The following ELK3 variants were observed in gnomAD, a reference collection of about 807,000 sequenced individuals.
The protein encoded by ELK3 is ETS transcription factor ELK3.
Under a neutral mutation model 28.9 loss-of-function variants are expected in ELK3, and 10 were observed. That is an observed-to-expected ratio of 0.35 (90% CI 0.21 to 0.59). ELK3 has a LOEUF of 0.59. Ranked by LOEUF, ELK3 falls within the 20% of genes least tolerant of loss-of-function variation. ELK3 has a pLI of 0.82. For synonymous variants in ELK3, 272 were observed against 243.5 expected (o/e 1.12, Z -1.09); for missense variants, 463 against 517.3 (o/e 0.90, Z 1.02).
intron 1 of ELK3, among the ~76,000 whole-genome samples, chr12:96,211,802 C>T (rs1184543628): frequency 6.6e-6 from 1 of 152,236 alleles, no homozygotes; most frequent in Non-Finnish European, 1.5e-5. Context: ...TTGTGCTTTT[C>T]CATTGACCTT....
intron 3 of ELK3, among the ~76,000 whole-genome samples, chr12:96,248,862 C>T (rs146162623): frequency 6.6e-6 from 1 of 152,316 alleles, no homozygotes; most frequent in African/African-American, 2.4e-5. Flanking sequence ...ATCCTGTTTC[C>T]AAAATGCTTG....
chr12:96,211,781 C>T (rs1168593856), intron 1 of ELK3, among the ~76,000 whole-genome samples: 1 of 152,052 alleles, frequency 6.6e-6, no homozygotes. Flanking sequence ...ACCATATTTA[C>T]CTAAAATAAC....
At chr12:96,259,945 A>AT (rs1489077940) in intron 4 of ELK3, 92 bp downstream of exon 4, 4 of 1,446,180 alleles carry the variant, frequency 2.8e-6, no homozygotes, top group Non-Finnish European at 2.7e-6. Context: ...GTTTTGCCAT[A>AT]TGTTGAGTTG....
chr12:96,233,268 C>T (rs1482194402), intron 2 of ELK3, among the ~76,000 whole-genome samples: 3 of 152,138 alleles, frequency 2.0e-5, no homozygotes, highest in African/African-American at 4.8e-5. Flanking sequence ...CAGAAGGAGA[C>T]CTGGAAGCTT....
chr12:96,242,691 A>T (rs1951830199), intron 2 of ELK3, among the ~76,000 whole-genome samples: 2 of 152,254 alleles, frequency 1.3e-5, no homozygotes, highest in South Asian at 4.1e-4. Context: ...GGCTTTCCTT[A>T]CCAGCTCCCC....
intron 1 of ELK3, among the ~76,000 whole-genome samples, chr12:96,197,319 G>T (rs1182493535): frequency 6.6e-6 from 1 of 152,152 alleles, no homozygotes; most frequent in Non-Finnish European, 1.5e-5. Context: ...CTTCTGGAGG[G>T]TAGACGCCAG....
At chr12:96,220,369 A>G (rs1311545257) in intron 1 of ELK3, among the ~76,000 whole-genome samples, 1 of 144,684 alleles carries the variant, frequency 6.9e-6, no homozygotes, top group Non-Finnish European at 1.5e-5. Flanking sequence ...ACCTAGTAGC[A>G]TACTTTTTCG....
At chr12:96,231,555 C>T (rs777414756) in intron 2 of ELK3, among the ~76,000 whole-genome samples, 11 of 152,184 alleles carry the variant, frequency 7.2e-5, no homozygotes, top group Non-Finnish European at 1.2e-4. Context: ...TGCAGTGGCG[C>T]GATCTCAGCT....
chr12:96,222,341 G>T (rs1478097165), intron 1 of ELK3, among the ~76,000 whole-genome samples: 2 of 152,164 alleles, frequency 1.3e-5, no homozygotes, highest in Admixed American at 6.5e-5. Context: ...CAGCATTTTA[G>T]CCAGAAGAAA....
intron 1 of ELK3, among the ~76,000 whole-genome samples, chr12:96,201,131 CAG>C (rs1951505157): frequency 6.6e-6 from 1 of 152,110 alleles, no homozygotes; most frequent in Non-Finnish European, 1.5e-5. Flanking sequence ...AAAAATAAAT[CAG>C]AATGTGTAGA....
intron 1 of ELK3, among the ~76,000 whole-genome samples, chr12:96,202,952 A>C (rs1232296231): frequency 6.6e-6 from 1 of 151,766 alleles, no homozygotes; most frequent in African/African-American, 2.4e-5. Flanking sequence ...CAGTGATCTC[A>C]GCTCACTGCA....
At chr12:96,226,595 C>T (rs1245029456) in intron 2 of ELK3, among the ~76,000 whole-genome samples, 1 of 151,816 alleles carries the variant, frequency 6.6e-6, no homozygotes, top group Non-Finnish European at 1.5e-5. Context: ...TGTCCACATG[C>T]ACACACACAT....
intron 2 of ELK3, among the ~76,000 whole-genome samples, chr12:96,232,336 C>T (rs548948524): frequency 1.1e-4 from 16 of 152,118 alleles, no homozygotes; most frequent in African/African-American, 3.4e-4. Context: ...TTTGGGAGGC[C>T]GAGGCGGGTG....
Position 96,267,209 on chromosome 12 carries a change from T to C in ELK3, c.*29T>C. 6.3e-7 allele frequency: 1 copy of C among 1,591,806 alleles called. No homozygotes were observed. Among genetic ancestry groups the C allele is most frequent in the South Asian group, 1.1e-5 (1 of 88,080 alleles). On this transcript the variant is annotated 3_prime_UTR_variant, in exon 5 of 5. Coordinates refer to ENST00000228741, the MANE Select transcript of ELK3 (RefSeq NM_005230.4). Reference sequence around the variant, plus strand: ...CGTCTGGCCACAATTAAGGACTCATTAACTGATGAAACAAATTTGTCCCCA... The same window carrying C: ...CGTCTGGCCACAATTAAGGACTCATCAACTGATGAAACAAATTTGTCCCCA...
intron 2 of ELK3, among the ~76,000 whole-genome samples, chr12:96,226,509 C>A (rs925982772): frequency 3.2e-5 from 2 of 61,654 alleles, no homozygotes; most frequent in Non-Finnish European, 6.2e-5. Context: ...CATGTGCACA[C>A]CCATGCCCAC....
intron 1 of ELK3, among the ~76,000 whole-genome samples, chr12:96,205,018 T>G (rs1951530914): frequency 6.6e-6 from 1 of 152,224 alleles, no homozygotes; most frequent in Non-Finnish European, 1.5e-5. Context: ...GAGGTCTGTG[T>G]CTGAGAGAAT....
At chr12:96,222,091 C>G (rs1324705498) in intron 1 of ELK3, among the ~76,000 whole-genome samples, 1 of 152,090 alleles carries the variant, frequency 6.6e-6, no homozygotes, top group Non-Finnish European at 1.5e-5. Context: ...AACAGTTGAT[C>G]CGTGGCAAAG....
Position 96,202,951 on chromosome 12 carries a change from C to A in ELK3, c.-3+8246C>A, listed in dbSNP as rs151306101. On this transcript the variant is annotated intron_variant, in intron 1 of 4. Coordinates refer to ENST00000228741, the MANE Select transcript of ELK3 (RefSeq NM_005230.4). ...CGCCCAGTCTGGAGTGCAGTGATCT[C>A]AGCTCACTGCAACCTCTGCCTCCTG... Among the ~76,000 whole-genome samples, 1,261 of 152,152 alleles carry A rather than the reference C, an allele frequency of 8.3e-3. 22 individuals carry two copies. Among genetic ancestry groups the A allele is most frequent in the African/African-American group, 0.028 (1,152 of 41,522 alleles).
chr12:96,242,449 G>A (rs1043520209), intron 2 of ELK3, among the ~76,000 whole-genome samples: 2 of 152,190 alleles, frequency 1.3e-5, no homozygotes, highest in Non-Finnish European at 2.9e-5. Flanking sequence ...CAAATAATAC[G>A]TGCTCAGCAC....
Sources: allele counts gnomAD v4.1 joint callset (sites outside exome capture counted in the v4.1 genomes callset), GRCh38; gene constraint gnomAD v4.1.1; transcripts MANE v1.5; gene names NCBI Gene and HGNC (gene_info 2026-07-23, HGNC 2026-07-21).